OSBPL1A: variants seen among roughly 807,000 people sequenced by gnomAD.
OSBPL1A encodes the protein oxysterol binding protein like 1A, also known as oxysterol-binding protein-related protein 1.
Under a neutral mutation model 137.1 loss-of-function variants are expected in OSBPL1A, and 80 were observed. The observed-to-expected ratio is 0.58, with a 90% CI of 0.49 to 0.70. The LOEUF (loss-of-function observed/expected upper bound fraction) is 0.70. Among genes scored for constraint, OSBPL1A ranks in the 30% least tolerant of loss-of-function variants. The probability of loss-of-function intolerance (pLI) is 0.00; values close to 1 mark genes in which losing one functional copy is unlikely to be tolerated. For missense variants in OSBPL1A, 970 were observed against 1,129.4 expected (o/e 0.86, Z 2.02); for synonymous variants, 365 against 389.7 (o/e 0.94, Z 0.75).
intron 13 of OSBPL1A, among the ~76,000 whole-genome samples, chr18:24,307,706 G>C (rs2090529414): frequency 6.6e-6 from 1 of 152,186 alleles, no homozygotes; most frequent in African/African-American, 2.4e-5. Context: ...TTGCATGGAT[G>C]TACCAATCTT....
chr18:24,331,577 T>C (rs2091079004), intron 7 of OSBPL1A, among the ~76,000 whole-genome samples: 1 of 151,528 alleles, frequency 6.6e-6, no homozygotes. Flanking sequence ...TTTGTATTTT[T>C]AGTAGAGACG....
chr18:24,376,748 T>C (rs1196456924), intron 2 of OSBPL1A, among the ~76,000 whole-genome samples: 4 of 152,186 alleles, frequency 2.6e-5, no homozygotes, highest in Non-Finnish European at 4.4e-5. Context: ...TAAGGCCCGG[T>C]GAGAGATCCA....
chr18:24,182,006 G>A (rs1236761757), intron 18 of OSBPL1A, among the ~76,000 whole-genome samples: 1 of 152,074 alleles, frequency 6.6e-6, no homozygotes, highest in African/African-American at 2.4e-5. Flanking sequence ...GTAACAACGG[G>A]CTAAGGATTA....
At chr18:24,276,428 T>A (rs976151941) in intron 15 of OSBPL1A, among the ~76,000 whole-genome samples, 43 of 152,136 alleles carry the variant, frequency 2.8e-4, no homozygotes, top group Non-Finnish European at 5.7e-4. Context: ...CTCAACAGCA[T>A]AAGCAGTTTT....
In OSBPL1A at chr18:24,258,502, T is replaced by C. The variant is rs147309637; in HGVS notation, c.1282-19120A>G. ...GGGTAGTGGGGCAGGGTTGGGGGAA[T>C]GTGGAGATGGTTAATGGATGCAAAA... On this transcript the variant is annotated intron_variant, in intron 15 of 27. Coordinates refer to ENST00000319481, the MANE Select transcript of OSBPL1A (RefSeq NM_080597.4). Among the ~76,000 whole-genome samples, 940 of 152,216 alleles carry C rather than the reference T, an allele frequency of 6.2e-3. 11 individuals are homozygous for C. The highest frequency in any genetic ancestry group is 0.022 in the African/African-American group (898 of 41,510).
chr18:24,190,285 C>T (rs1171507818), intron 18 of OSBPL1A, among the ~76,000 whole-genome samples: 1 of 144,358 alleles, frequency 6.9e-6, no homozygotes, highest in African/African-American at 2.6e-5. Context: ...GGCACCTGCA[C>T]TGGAGGGACC....
At chr18:24,267,921 C>G (rs574865670) in intron 15 of OSBPL1A, among the ~76,000 whole-genome samples, 1 of 150,762 alleles carries the variant, frequency 6.6e-6, no homozygotes, top group African/African-American at 2.4e-5. Context: ...CCTGAAGGCC[C>G]TAGCCAGTAA....
rs76390202 is a variant in OSBPL1A at position 24,174,509 on chromosome 18, T to C, written c.2094-2026A>G. Among the ~76,000 whole-genome samples the C allele has an allele frequency of 9.0e-3, 1,367 of 152,312 alleles. 18 individuals are homozygous for C. Among genetic ancestry groups the C allele is most frequent in the African/African-American group, 0.032 (1,311 of 41,564 alleles). The stretch of plus-strand genomic sequence containing the variant: ...TTGAGATGCTAAACCAGTAGGTATA[T>C]TGCAAATATTACAAAATCTGAAAAT... On this transcript the variant is annotated intron_variant, in intron 21 of 27. Coordinates refer to ENST00000319481, the MANE Select transcript of OSBPL1A (RefSeq NM_080597.4).
chr18:24,384,164 C>A (rs1168553298), intron 1 of OSBPL1A, among the ~76,000 whole-genome samples: 1 of 152,212 alleles, frequency 6.6e-6, no homozygotes, highest in Non-Finnish European at 1.5e-5. Flanking sequence ...AGATACATAA[C>A]AGGGAGATTA....
At chr18:24,311,606 G>T in intron 13 of OSBPL1A, 1 of 591,482 alleles carries the variant, frequency 1.7e-6, no homozygotes, top group Non-Finnish European at 2.2e-6. Flanking sequence ...GTATCACTAT[G>T]GTTGCATTAT....
chr18:24,340,749 T>C (rs1335049669), intron 5 of OSBPL1A, among the ~76,000 whole-genome samples: 1 of 152,000 alleles, frequency 6.6e-6, no homozygotes, highest in Non-Finnish European at 1.5e-5. Flanking sequence ...GAGGTTGTAG[T>C]GAGCCAAGAT....
chr18:24,186,239 G>A (rs187714608), intron 18 of OSBPL1A, among the ~76,000 whole-genome samples: 1 of 152,106 alleles, frequency 6.6e-6, no homozygotes, highest in African/African-American at 2.4e-5. Flanking sequence ...GAATGTTAAG[G>A]CAATTAAAGA....
chr18:24,273,072 A>AT (rs2089759847), intron 15 of OSBPL1A, among the ~76,000 whole-genome samples: 1 of 151,750 alleles, frequency 6.6e-6, no homozygotes, highest in Admixed American at 6.6e-5. Context: ...AACCCAGCTA[A>AT]TTTTTTGTAT....
chr18:24,168,685 A>G (rs558391190), intron 24 of OSBPL1A, among the ~76,000 whole-genome samples: 1 of 152,346 alleles, frequency 6.6e-6, no homozygotes, highest in Admixed American at 6.5e-5. Context: ...ACAAAATAGC[A>G]CAGAGGTGAC....
At chr18:24,212,117 G>C (rs150561329) in intron 17 of OSBPL1A, among the ~76,000 whole-genome samples, 151 of 151,864 alleles carry the variant, frequency 9.9e-4, no homozygotes, top group Non-Finnish European at 1.8e-3. Flanking sequence ...TGCCAGGCTG[G>C]AGTACAGTGG....
chr18:24,262,534 A>G (rs1168114320), intron 15 of OSBPL1A, among the ~76,000 whole-genome samples: 2 of 152,240 alleles, frequency 1.3e-5, no homozygotes, highest in African/African-American at 2.4e-5. Context: ...AAATAACTAG[A>G]AACAGTTATA....
chr18:24,369,881 C>G (rs1438508126), intron 2 of OSBPL1A, among the ~76,000 whole-genome samples: 1 of 152,164 alleles, frequency 6.6e-6, no homozygotes, highest in African/African-American at 2.4e-5. Flanking sequence ...GTCCCCCATC[C>G]CCCCTGTCCC....
At chr18:24,342,798 C>G (rs1207284827) in intron 4 of OSBPL1A, among the ~76,000 whole-genome samples, 1 of 151,996 alleles carries the variant, frequency 6.6e-6, no homozygotes, top group Non-Finnish European at 1.5e-5. Flanking sequence ...TTACATGCCA[C>G]AATTGTTTTA....
rs749144621 is a variant in OSBPL1A, at chr18:24,314,329, A to T, written c.889T>A (p.Cys297Ser). 4 of 1,608,718 alleles carry T rather than the reference A, an allele frequency of 2.5e-6. No individual in the cohort carries two copies. In the African/African-American group the frequency reaches 5.4e-5, roughly 22 times the overall value. The change falls in exon 12 of 28, where the codon TGC becomes AGC. Residue 297 changes from cysteine (C) to serine (S), a missense_variant. Around this residue, in one of 2 missense-constraint regions of OSBPL1A, gnomAD observed 647 missense variants for 672.6 expected, o/e 0.96. Transcript: ENST00000319481. The stretch of plus-strand genomic sequence containing the variant: ...TCAAAGCATTTAATAAAGAAGAGGC[A>T]GCTATCAGTGGATTTTACCTTGGAT... ...AVCTVKSTDS[C>S]LFFIKCFDDT...
Sources: allele counts gnomAD v4.1 joint callset (sites outside exome capture counted in the v4.1 genomes callset), GRCh38; gene constraint gnomAD v4.1.1; regional missense constraint gnomAD v4.1.1; transcripts MANE v1.5; gene names NCBI Gene and HGNC (gene_info 2026-07-23, HGNC 2026-07-21).